SLC12A9: variants seen among roughly 807,000 people sequenced by gnomAD.
SLC12A9 encodes solute carrier family 12 member 9.
SLC12A9 carries 55 observed loss-of-function variants against 66.0 expected under a neutral mutation model. That is an observed-to-expected ratio of 0.83 (90% CI 0.67 to 1.04). SLC12A9 has a LOEUF of 1.04. Among genes scored for constraint, SLC12A9 ranks in the 50% least tolerant of loss-of-function variants. SLC12A9 has a pLI of 0.00. For synonymous variants in SLC12A9, 577 were observed against 569.0 expected (o/e 1.01, Z -0.20); for missense variants, 1,061 against 1,241.9 (o/e 0.85, Z 2.19).
intron 12 of SLC12A9, 91 bp downstream of exon 12, chr7:100,862,002 C>T (rs1274264615): frequency 1.5e-5 from 21 of 1,360,166 alleles, no homozygotes; most frequent in Non-Finnish European, 1.9e-5. Context: ...TTCTGTTGCC[C>T]AGGCTGGAGT....
rs542292335 is a variant in SLC12A9 at position 100,828,343 on chromosome 7, A to G, written n.228+1296A>G. Among the ~76,000 whole-genome samples, 58 of 152,008 alleles carry G rather than the reference A, an allele frequency of 3.8e-4. 1 individual carries two copies. The highest frequency in any genetic ancestry group is 1.2e-3 in the African/African-American group (48 of 41,452). ...CATTTGAGGTCAGGAGTTCAAGACC[A>G]GCCTGGCCAACATGATGAAACCCCG... On this transcript the variant is annotated intron_variant and non_coding_transcript_variant, in intron 1 of 1. Coordinates refer to the SLC12A9 transcript ENST00000461016.
chr7:100,854,855 G>T, intron 3 of SLC12A9, 101 bp downstream of exon 3: 1 of 1,502,590 alleles, frequency 6.7e-7, no homozygotes, highest in Non-Finnish European at 8.9e-7. Flanking sequence ...CAAGACAAGT[G>T]TTTTTTTCAT....
chr7:100,862,764 G>A lies in SLC12A9; in HGVS notation c.1795G>A (p.Asp599Asn). The change falls in exon 13 of 14, where the codon GAT (aspartate) becomes AAT (asparagine). Residue 599 changes from aspartate to asparagine, a missense_variant. Physicochemically the swap from Asp to Asn is conservative, Grantham distance 23 (BLOSUM62 1). Coordinates refer to ENST00000354161, the MANE Select transcript of SLC12A9 (RefSeq NM_020246.4). ...CCGTGCCCAGGTGAAGGCTTTTGTG[G>A]ATCTAACCCTCTCACCCTCCGTGCG... ...VDRAQVKAFV[D>N]LTLSPSVRQG... 6.2e-7 allele frequency: 1 copy of A among 1,614,164 alleles called. No individual in the cohort carries two copies. The highest frequency in any genetic ancestry group is 8.5e-7 in the Non-Finnish European group (1 of 1,180,036).
At chr7:100,845,305 G>T (rs1199749087) in intron 1 of SLC12A9, among the ~76,000 whole-genome samples, 1 of 150,064 alleles carries the variant, frequency 6.7e-6, no homozygotes, top group Non-Finnish European at 1.5e-5. Context: ...TAGGCTGCCT[G>T]ACCAGCAGAC....
At chr7:100,848,744 T>C (rs993803148), upstream of SLC12A9, among the ~76,000 whole-genome samples, 2 of 151,396 alleles carry the variant, frequency 1.3e-5, no homozygotes, top group Admixed American at 1.3e-4. Flanking sequence ...AAATTAGCCG[T>C]GCGTGGTGGC....
chr7:100,851,962 C>T (rs1188347488), upstream of SLC12A9, among the ~76,000 whole-genome samples: 4 of 152,124 alleles, frequency 2.6e-5, no homozygotes, highest in African/African-American at 9.7e-5. Context: ...CCATTAAATG[C>T]TCACTGAACT....
upstream of SLC12A9, among the ~76,000 whole-genome samples, chr7:100,848,929 AAAG>A (rs1813991840): frequency 6.6e-6 from 1 of 151,564 alleles, no homozygotes; most frequent in African/African-American, 2.4e-5. Flanking sequence ...AGAAAGAAAG[AAAG>A]AAAGAGCTAG....
At chr7:100,865,512 A>G in intron 13 of SLC12A9, 2 of 1,534,998 alleles carry the variant, frequency 1.3e-6, no homozygotes, top group South Asian at 2.4e-5. Context: ...AGTCACTGAG[A>G]TAATAAAATA....
At chr7:100,843,480 C>A (rs906017127) in intron 1 of SLC12A9, among the ~76,000 whole-genome samples, 1 of 152,146 alleles carries the variant, frequency 6.6e-6, no homozygotes, top group East Asian at 1.9e-4. Context: ...CTACCTGAAC[C>A]CTTTACACCC....
chr7:100,834,562 G>A (rs1290641291), intron 1 of SLC12A9, among the ~76,000 whole-genome samples: 1 of 152,098 alleles, frequency 6.6e-6, no homozygotes, highest in Non-Finnish European at 1.5e-5. Flanking sequence ...GGGGGATGGT[G>A]CACGCATGTA....
In SLC12A9 at chr7:100,861,652, G is replaced by T. The variant is rs550027283; in HGVS notation, c.1536+68G>T. ...AAAGAACCCCCTCTCTCTTTGGCTG[G>T]AGTTGGTGCTCCCGTCCAGGAGGCG... On this transcript the variant is annotated intron_variant, in intron 11 of 13. Transcript: ENST00000354161. The surrounding 1 kb of genome is among the most constrained non-coding windows in gnomAD (Gnocchi z 5.3). 1.3e-5 allele frequency: 21 copies of T among 1,608,550 alleles called. No individual in the cohort carries two copies. Among genetic ancestry groups the T allele is most frequent in the Non-Finnish European group, 1.7e-5 (20 of 1,175,550 alleles).
intron 7 of SLC12A9, chr7:100,859,424 T>C (rs546028881): frequency 2.7e-4 from 131 of 486,198 alleles, no homozygotes; most frequent in Non-Finnish European, 4.2e-4. Context: ...CATATACCAT[T>C]AGGTATGACA....
intron 1 of SLC12A9, chr7:100,827,524 G>A (rs1813446460): frequency 6.6e-6 from 1 of 151,992 alleles, no homozygotes; most frequent in African/African-American, 2.4e-5. Flanking sequence ...CGCTGGAACT[G>A]GGCCGGGCGG....
At chr7:100,832,114 C>T (rs1168178003) in intron 1 of SLC12A9, among the ~76,000 whole-genome samples, 1 of 152,156 alleles carries the variant, frequency 6.6e-6, no homozygotes, top group Non-Finnish European at 1.5e-5. Context: ...GCAGGAGAAT[C>T]ACTTGAACTT....
intron 1 of SLC12A9, among the ~76,000 whole-genome samples, chr7:100,836,449 A>G (rs80279428): frequency 0.09 from 13,650 of 152,080 alleles, 669 homozygotes; most frequent in African/African-American, 0.13. Flanking sequence ...CCTGGGGACC[A>G]GAGAGCTCAC....
At position 100,866,757 on chromosome 7, in the gene SLC12A9, C is replaced by T. The variant is rs1011181607; in HGVS notation, c.*152C>T. ...GTTTGAAGGGGATCCTGGGCTTGGG[C>T]ATCACGCCCACCTCCTTTGGCAGAG... On this transcript the variant is annotated 3_prime_UTR_variant, in exon 14 of 14. Transcript: ENST00000354161. This position sits in a 1 kb window ranked among gnomAD's most constrained non-coding sequence, Gnocchi z 7.3. The T allele has an allele frequency of 7.6e-6, 6 of 787,066 alleles. No individual in the cohort carries two copies. Among genetic ancestry groups the T allele is most frequent in the Non-Finnish European group, 9.4e-6 (5 of 529,384 alleles). 48.8% of individuals were successfully genotyped at this position (787,066 alleles called of 1,614,324 possible).
chr7:100,840,447 G>C (rs1440914648), intron 1 of SLC12A9, among the ~76,000 whole-genome samples: 1 of 152,144 alleles, frequency 6.6e-6, no homozygotes, highest in African/African-American at 2.4e-5. Context: ...CTGTAAGCCA[G>C]GGAACCCAGA....
intron 9 of SLC12A9, chr7:100,860,437 C>A: frequency 1.7e-6 from 1 of 587,710 alleles, no homozygotes; most frequent in Non-Finnish European, 3.0e-6. Context: ...AGTTCATTGG[C>A]ACCCTGGGAG....
intron 1 of SLC12A9, among the ~76,000 whole-genome samples, chr7:100,835,383 C>A (rs1490664805): frequency 1.4e-5 from 2 of 146,552 alleles, no homozygotes; most frequent in Non-Finnish European, 3.0e-5. Flanking sequence ...CGGGCGCGGT[C>A]GCTCATGCCT....
Sources: allele counts gnomAD v4.1 joint callset (sites outside exome capture counted in the v4.1 genomes callset), GRCh38; gene constraint gnomAD v4.1.1; non-coding constraint Gnocchi (gnomAD v3.1); transcripts MANE v1.5; gene names NCBI Gene and HGNC (gene_info 2026-07-23, HGNC 2026-07-21).